FRMD3: variants seen among roughly 807,000 people sequenced by gnomAD.
The protein encoded by FRMD3 is FERM domain-containing protein 3.
Under a neutral mutation model 70.2 loss-of-function variants are expected in FRMD3, and 33 were observed. The observed-to-expected ratio is 0.47, with a 90% CI of 0.36 to 0.63. The LOEUF (loss-of-function observed/expected upper bound fraction) is 0.63. Ranked by LOEUF, FRMD3 falls within the 20% of genes least tolerant of loss-of-function variation. The pLI, the probability that FRMD3 is intolerant of heterozygous loss-of-function variation, is 0.00. For synonymous variants in FRMD3, 279 were observed against 255.9 expected (o/e 1.09, Z -0.86); for missense variants, 632 against 711.4 (o/e 0.89, Z 1.27).
intron 1 of FRMD3, among the ~76,000 whole-genome samples, chr9:83,450,370 T>TTTTTTTTTTTTTTTTTTTTTA (rs60674885): frequency 8.3e-6 from 1 of 120,752 alleles, no homozygotes; most frequent in Non-Finnish European, 1.7e-5. Context: ...TTTTTTTTTT[T>TTTTTTTTTTTTTTTTTTTTTA]ATTATACTCT....
downstream of FRMD3, among the ~76,000 whole-genome samples, chr9:83,244,016 T>TACTC (rs1161070361): frequency 6.6e-6 from 1 of 151,934 alleles, no homozygotes; most frequent in Non-Finnish European, 1.5e-5. Context: ...TAATTCCAGC[T>TACTC]ACTCAGGAAG....
chr9:83,244,840 C>CAAAT lies in FRMD3; in HGVS notation c.*3074_*3077dup. On this transcript the variant is annotated 3_prime_UTR_variant, in exon 14 of 14. Coordinates refer to ENST00000304195, the MANE Select transcript of FRMD3 (RefSeq NM_174938.6). ...ATTAGACAAACCACAAAATATATTC[C>CAAAT]AAATACATAACATTTTACAATATTT... The CAAAT allele has an allele frequency of 1.0e-6, 1 of 984,128 alleles. No individual in the cohort carries two copies. Among genetic ancestry groups the CAAAT allele is most frequent in the Non-Finnish European group, 1.2e-6 (1 of 828,854 alleles). 61.0% of individuals were successfully genotyped at this position (984,128 alleles called of 1,614,324 possible). A position where few individuals can be genotyped will look rare whatever the true frequency, so the allele number is the denominator to read the frequency against.
the FRMD3 span, among the ~76,000 whole-genome samples, chr9:83,579,811 G>A: frequency 6.6e-6 from 1 of 151,946 alleles, no homozygotes; most frequent in Admixed American, 6.6e-5. Context: ...AAAAAGCTTT[G>A]ACACAGCAAA....
At chr9:83,460,961 A>G (rs1827953577) in intron 1 of FRMD3, among the ~76,000 whole-genome samples, 1 of 151,846 alleles carries the variant, frequency 6.6e-6, no homozygotes. Context: ...ACAGCCCCTG[A>G]GCTCTTGGAG....
At position 83,310,165 on chromosome 9, in the gene FRMD3, T is replaced by C. The variant is rs73648526; in HGVS notation, c.837+320A>G. ...GTTGTTGAATATTTAGCTTTGTAAG[T>C]ATTCTTTATTTGTTTCACATGTCTG... On this transcript the variant is annotated intron_variant, in intron 9 of 13. Transcript: ENST00000304195. 8.1e-3 allele frequency among the ~76,000 whole-genome samples: 1,227 copies of C among 152,294 alleles called. 15 individuals are homozygous for C. Among genetic ancestry groups the C allele is most frequent in the African/African-American group, 0.027 (1,116 of 41,552 alleles).
intron 5 of FRMD3, among the ~76,000 whole-genome samples, chr9:83,337,196 C>T (rs1376667818): frequency 2.0e-5 from 3 of 152,108 alleles, no homozygotes; most frequent in Non-Finnish European, 4.4e-5. Flanking sequence ...CAGCATAAAT[C>T]TTTGTCTTAT....
At chr9:83,346,932 G>C (rs1478484925) in intron 4 of FRMD3, among the ~76,000 whole-genome samples, 2 of 152,154 alleles carry the variant, frequency 1.3e-5, no homozygotes, top group Non-Finnish European at 1.5e-5. Flanking sequence ...TCACACAAAT[G>C]CTTTAAATGA....
chr9:83,479,785 G>GGGAAGGAAGGAAGGAAGGAA (rs1242768755), intron 1 of FRMD3, among the ~76,000 whole-genome samples: 1 of 42,570 alleles, frequency 2.3e-5, no homozygotes, highest in Admixed American at 2.1e-4. Flanking sequence ...GAGGGAGGGA[G>GGGAAGGAAGGAAGGAAGGAA]GGAAGGAAGG....
Position 83,411,450 on chromosome 9 carries a change from C to G in FRMD3, c.148-21742G>C, listed in dbSNP as rs1027725476. ...TGATTCACTCTAAAGAAGGACTGTC[C>G]CACCTCTTGGTTCACCCTAACAATG... On this transcript the variant is annotated intron_variant, in intron 1 of 13. Coordinates refer to ENST00000304195, the MANE Select transcript of FRMD3 (RefSeq NM_174938.6). Among the ~76,000 whole-genome samples, 10 of 152,288 alleles carry G rather than the reference C, an allele frequency of 6.6e-5. No homozygotes were observed. The South Asian group carries it at 2.1e-3, about 32-fold the overall frequency.
chr9:83,508,185 T>G (rs1829248467), intron 1 of FRMD3, among the ~76,000 whole-genome samples: 1 of 152,170 alleles, frequency 6.6e-6, no homozygotes, highest in Non-Finnish European at 1.5e-5. Context: ...CCAATGCTTT[T>G]TACGTAAAAT....
chr9:83,382,394 A>T (rs1216034306), intron 2 of FRMD3, among the ~76,000 whole-genome samples: 2 of 152,266 alleles, frequency 1.3e-5, no homozygotes, highest in African/African-American at 2.4e-5. Context: ...TAAAAAGACC[A>T]GTTACATAAA....
intron 2 of FRMD3, among the ~76,000 whole-genome samples, chr9:83,375,402 C>G (rs1201563071): frequency 6.6e-6 from 1 of 152,218 alleles, no homozygotes; most frequent in Non-Finnish European, 1.5e-5. Flanking sequence ...ATTTGCCTTT[C>G]AGGCCTGGTG....
the FRMD3 span, among the ~76,000 whole-genome samples, chr9:83,569,822 C>G: frequency 6.6e-6 from 1 of 152,202 alleles, no homozygotes; most frequent in African/African-American, 2.4e-5. Flanking sequence ...TACTCCTTGA[C>G]ATGGTTTGGC....
At chr9:83,485,657 C>A (rs2131486520) in intron 1 of FRMD3, among the ~76,000 whole-genome samples, 1 of 152,228 alleles carries the variant, frequency 6.6e-6, no homozygotes, top group African/African-American at 2.4e-5. Context: ...TTCCAGGATT[C>A]CCATGACCCA....
chr9:83,498,062 C>T (rs1357784252), intron 1 of FRMD3, among the ~76,000 whole-genome samples: 2 of 152,076 alleles, frequency 1.3e-5, no homozygotes, highest in African/African-American at 2.4e-5. Context: ...ACAGGAGAAT[C>T]GCTTGAACCC....
chr9:83,444,787 T>C (rs1450081413), intron 1 of FRMD3, among the ~76,000 whole-genome samples: 1 of 152,160 alleles, frequency 6.6e-6, no homozygotes, highest in African/African-American at 2.4e-5. Context: ...CAGCCCCAAG[T>C]TGGAGTTAAG....
intron 10 of FRMD3, among the ~76,000 whole-genome samples, chr9:83,301,527 A>C (rs200397156): frequency 8.4e-4 from 81 of 95,876 alleles, no homozygotes; most frequent in African/African-American, 1.0e-3. Flanking sequence ...GGTTGGCTTA[A>C]AAAAAAAAAA....
Position 83,293,145 on chromosome 9 carries a change from C to T in FRMD3, c.1071-2418G>A, listed in dbSNP as rs12555313. On this transcript the variant is annotated intron_variant, in intron 12 of 13. Coordinates refer to ENST00000304195, the MANE Select transcript of FRMD3 (RefSeq NM_174938.6). Reference sequence around the variant, plus strand: ...ACAGTGCTTTCTACAGGGAAAGAACCGTAGATAGAGAAATCTTTACAAAAG... The same window carrying T: ...ACAGTGCTTTCTACAGGGAAAGAACTGTAGATAGAGAAATCTTTACAAAAG... 7.4e-3 allele frequency among the ~76,000 whole-genome samples: 1,119 copies of T among 151,926 alleles called. 40 individuals carry two copies. The highest frequency in any genetic ancestry group is 0.053 in the Admixed American group (807 of 15,270).
chr9:83,403,893 C>T (rs1488191168), intron 1 of FRMD3, among the ~76,000 whole-genome samples: 1 of 152,108 alleles, frequency 6.6e-6, no homozygotes, highest in East Asian at 1.9e-4. Flanking sequence ...CTACTCCTTA[C>T]TTCCAGCCCA....
Sources: gnomAD v4.1 joint callset for allele counts (sites outside exome capture counted in the v4.1 genomes callset) on GRCh38, gnomAD v4.1.1 for gene constraint, MANE v1.5 for transcripts, NCBI Gene and HGNC (gene_info 2026-07-23, HGNC 2026-07-21) for gene names.